The following PDE9A variants were observed in gnomAD, a reference collection of about 807,000 sequenced individuals.
PDE9A encodes the protein high affinity cGMP-specific 3',5'-cyclic phosphodiesterase 9A.
Under a neutral mutation model 87.4 loss-of-function variants are expected in PDE9A, and 60 were observed. That is an observed-to-expected ratio of 0.69 (90% confidence interval 0.56 to 0.85). PDE9A has a LOEUF of 0.85. PDE9A is among the 40% of genes least tolerant of loss of function. The pLI is 0.00. For synonymous variants in PDE9A, 272 were observed against 279.4 expected (o/e 0.97, Z 0.27); for missense variants, 665 against 779.0 (o/e 0.85, Z 1.74).
chr21:42,751,337 G>T (rs1231981134), intron 9 of PDE9A, 140 bp downstream of exon 9: 2 of 710,564 alleles, frequency 2.8e-6, no homozygotes, highest in Non-Finnish European at 5.1e-6. Flanking sequence ...TGACGGTGCG[G>T]GTTACTTTAA....
chr21:42,709,704 G>C (rs2049138115), intron 4 of PDE9A, among the ~76,000 whole-genome samples: 1 of 152,102 alleles, frequency 6.6e-6, no homozygotes, highest in Admixed American at 6.6e-5. Flanking sequence ...TGTTTTTTGA[G>C]ACAGGGTCTC....
intron 4 of PDE9A, among the ~76,000 whole-genome samples, chr21:42,706,071 AGGCT>A (rs1312457311): frequency 6.6e-6 from 1 of 152,218 alleles, no homozygotes; most frequent in Non-Finnish European, 1.5e-5. Flanking sequence ...CAGGGTGGGC[AGGCT>A]GGCTGGCTGT....
chr21:42,654,404 C>T (rs1429782661), intron 1 of PDE9A, among the ~76,000 whole-genome samples: 2 of 152,190 alleles, frequency 1.3e-5, no homozygotes, highest in Non-Finnish European at 1.5e-5. Flanking sequence ...CGGCTCTCCC[C>T]TGCTGTGCGG....
At chr21:42,769,612 GCAGGTACACATGCACACA>G (rs1267109734) in intron 17 of PDE9A, among the ~76,000 whole-genome samples, 1 of 45,946 alleles carries the variant, frequency 2.2e-5, no homozygotes, top group Non-Finnish European at 3.8e-5. Context: ...AAATGCACAT[GCAGGTACACATGCACACA>G]CAGGCACACA....
In PDE9A at chr21:42,759,145, G is replaced by A. The variant is rs959087394; in HGVS notation, c.897+60G>A. 36 of 1,174,758 alleles carry A rather than the reference G, an allele frequency of 3.1e-5. No individual in the cohort carries two copies. The highest frequency in any genetic ancestry group is 1.9e-4 in the Middle Eastern group (1 of 5,226). 72.8% of individuals were successfully genotyped at this position (1,174,758 alleles called of 1,614,324 possible). The stretch of plus-strand genomic sequence containing the variant: ...CACGTGGTTTCATCCAGTTCCACAG[G>A]AATGGAGGGAATGGATCACCAGGGC... On this transcript the variant is annotated intron_variant, in intron 11 of 19. Transcript: ENST00000291539. This position sits in a 1 kb window ranked among gnomAD's most constrained non-coding sequence, Gnocchi z 7.2.
chr21:42,751,866 C>T (rs539569414), intron 9 of PDE9A, among the ~76,000 whole-genome samples: 2 of 151,760 alleles, frequency 1.3e-5, no homozygotes, highest in African/African-American at 4.8e-5. Flanking sequence ...CCTACCTCAG[C>T]CTCCCAAGTA....
At chr21:42,726,274 C>T (rs1442539214) in intron 4 of PDE9A, among the ~76,000 whole-genome samples, 1 of 152,092 alleles carries the variant, frequency 6.6e-6, no homozygotes, top group Non-Finnish European at 1.5e-5. Flanking sequence ...TCTTGTCATC[C>T]TCTTACCAGG....
At chr21:42,674,206 C>A (rs980510760) in intron 1 of PDE9A, among the ~76,000 whole-genome samples, 1 of 152,088 alleles carries the variant, frequency 6.6e-6, no homozygotes, top group Admixed American at 6.5e-5. Flanking sequence ...TCTCCTGGAG[C>A]CCCCAGACAC....
At chr21:42,765,018 G>GATGGATGGATGA (rs140976951) in intron 14 of PDE9A, among the ~76,000 whole-genome samples, 10,864 of 150,694 alleles carry the variant, frequency 0.072, 515 homozygotes, top group Middle Eastern at 0.11. Flanking sequence ...TGGATGGATG[G>GATGGATGGATGA]ATGGGTGGAT....
chr21:42,701,370 G>A (rs1363882901), intron 4 of PDE9A, among the ~76,000 whole-genome samples: 2 of 150,614 alleles, frequency 1.3e-5, no homozygotes, highest in Admixed American at 1.3e-4. Context: ...TTATAGTGCT[G>A]GTCTTCTGAC....
intron 19 of PDE9A, among the ~76,000 whole-genome samples, chr21:42,773,846 T>C (rs1382732849): frequency 1.3e-5 from 2 of 149,824 alleles, no homozygotes; most frequent in Admixed American, 1.3e-4. Flanking sequence ...GGCTCATGCC[T>C]GTAGTCCCAG....
chr21:42,769,408 GCACA>G (rs72304726), intron 17 of PDE9A, among the ~76,000 whole-genome samples: 99 of 143,606 alleles, frequency 6.9e-4, no homozygotes, highest in African/African-American at 2.4e-3. Flanking sequence ...CACACACACG[GCACA>G]CACAGGCACA....
rs930742175 is a variant in PDE9A, at chr21:42,669,287, G to A, written c.69+15404G>A. Among the ~76,000 whole-genome samples, 3 of 152,216 alleles carry A rather than the reference G, an allele frequency of 2.0e-5. No individual in the cohort carries two copies. In the East Asian group the frequency reaches 5.8e-4, roughly 29 times the overall value. ...CCCTTCCTTGCCTCTTCCAGCTGCT[G>A]GTGGCTGCCAGCAGTTTGGGAATTG... On this transcript the variant is annotated intron_variant, in intron 1 of 19. Coordinates refer to ENST00000291539, the MANE Select transcript of PDE9A (RefSeq NM_002606.3).
intron 1 of PDE9A, among the ~76,000 whole-genome samples, chr21:42,685,935 G>C (rs1180513327): frequency 6.6e-6 from 1 of 152,124 alleles, no homozygotes; most frequent in African/African-American, 2.4e-5. Flanking sequence ...ACCATGTCAC[G>C]GACAGGCGTG....
chr21:42,747,338 G>A (rs930990906), intron 8 of PDE9A, among the ~76,000 whole-genome samples: 6 of 152,278 alleles, frequency 3.9e-5, no homozygotes, highest in African/African-American at 1.4e-4. Flanking sequence ...GCCTTCCCGA[G>A]ATGGCAGCCC....
chr21:42,709,403 C>T (rs2049110336), intron 4 of PDE9A, among the ~76,000 whole-genome samples: 2 of 152,170 alleles, frequency 1.3e-5, no homozygotes, highest in South Asian at 2.1e-4. Context: ...CCATGACACA[C>T]GTTTACCTGT....
chr21:42,696,873 C>T lies in PDE9A; in HGVS notation c.219-2095C>T, dbSNP rs928812691. Among the ~76,000 whole-genome samples, 1 of 152,188 alleles carries T rather than the reference C, an allele frequency of 6.6e-6. No homozygotes were observed. The highest frequency in any genetic ancestry group is 2.1e-4 in the South Asian group (1 of 4,826). ...GAGGGGCCCTAGTCCCGATGACGAC[C>T]GAGTGCCCTCTCCACCTGGGGAGCT... On this transcript the variant is annotated intron_variant, in intron 3 of 19. Coordinates refer to ENST00000291539, the MANE Select transcript of PDE9A (RefSeq NM_002606.3). This position sits in a 1 kb window ranked among gnomAD's most constrained non-coding sequence, Gnocchi z 5.1.
chr21:42,752,225 C>G (rs1338619328), intron 9 of PDE9A, among the ~76,000 whole-genome samples: 2 of 152,134 alleles, frequency 1.3e-5, no homozygotes, highest in Admixed American at 6.6e-5. Flanking sequence ...CCACGCAGTT[C>G]CAAACAATGT....
chr21:42,663,743 C>T (rs1044343445), intron 1 of PDE9A, among the ~76,000 whole-genome samples: 1 of 152,196 alleles, frequency 6.6e-6, no homozygotes, highest in African/African-American at 2.4e-5. Flanking sequence ...TGTCCCTCAG[C>T]GCTGTGTCAC....
Sources: allele counts gnomAD v4.1 joint callset (sites outside exome capture counted in the v4.1 genomes callset), GRCh38; gene constraint gnomAD v4.1.1; non-coding constraint Gnocchi (gnomAD v3.1); transcripts MANE v1.5; gene names NCBI Gene and HGNC (gene_info 2026-07-23, HGNC 2026-07-21).